INSYN2B: variants seen among roughly 807,000 people sequenced by gnomAD.
INSYN2B encodes protein INSYN2B.
INSYN2B carries 16 observed loss-of-function variants against 41.2 expected under a neutral mutation model. The observed-to-expected ratio is 0.39, with a 90% CI of 0.26 to 0.59. The LOEUF is 0.59. INSYN2B is among the 20% of genes least tolerant of loss of function. The probability of loss-of-function intolerance (pLI) is 0.57; values close to 1 mark genes in which losing one functional copy is unlikely to be tolerated. For missense variants in INSYN2B, 608 were observed against 646.4 expected (o/e 0.94, Z 0.64); for synonymous variants, 245 against 244.4 (o/e 1.00, Z -0.02).
intron 1 of INSYN2B, among the ~76,000 whole-genome samples, chr5:169,914,109 G>A (rs143301643): frequency 3.9e-4 from 59 of 152,200 alleles, no homozygotes; most frequent in African/African-American, 1.2e-3. Context: ...CCCTCAGAAC[G>A]CCTTTTGTAT....
intron 1 of INSYN2B, among the ~76,000 whole-genome samples, chr5:169,952,731 A>G (rs1262853623): frequency 6.6e-6 from 1 of 152,202 alleles, no homozygotes; most frequent in Non-Finnish European, 1.5e-5. Flanking sequence ...GAGACATCTC[A>G]GGTAGGGGTT....
chr5:169,955,355 G>A (rs1483383641), intron 1 of INSYN2B, among the ~76,000 whole-genome samples: 2 of 152,124 alleles, frequency 1.3e-5, no homozygotes, highest in Non-Finnish European at 2.9e-5. Flanking sequence ...AGCACCTACT[G>A]TGTAGCTGGC....
At chr5:169,912,815 A>G (rs934131359) in intron 1 of INSYN2B, among the ~76,000 whole-genome samples, 1 of 152,060 alleles carries the variant, frequency 6.6e-6, no homozygotes, top group Non-Finnish European at 1.5e-5. Flanking sequence ...CAGAGTGTTG[A>G]GATTTTTTTT....
intron 1 of INSYN2B, among the ~76,000 whole-genome samples, chr5:169,917,359 A>G (rs777232318): frequency 1.3e-5 from 2 of 152,212 alleles, no homozygotes; most frequent in Non-Finnish European, 2.9e-5. Context: ...GCACCCTGAC[A>G]CCAGTAGCCC....
At chr5:169,972,062 A>T (rs761758588) in intron 1 of INSYN2B, among the ~76,000 whole-genome samples, 1 of 152,250 alleles carries the variant, frequency 6.6e-6, no homozygotes, top group South Asian at 2.1e-4. Context: ...AACTTCCCAG[A>T]CAGTCACTAC....
intron 3 of INSYN2B, among the ~76,000 whole-genome samples, chr5:169,868,886 C>T (rs1771765636): frequency 6.6e-6 from 1 of 152,148 alleles, no homozygotes; most frequent in Non-Finnish European, 1.5e-5. Context: ...AAGCCCAGCC[C>T]AACATAGAGG....
At chr5:169,921,006 A>G (rs919138817) in intron 1 of INSYN2B, among the ~76,000 whole-genome samples, 1 of 152,208 alleles carries the variant, frequency 6.6e-6, no homozygotes, top group Non-Finnish European at 1.5e-5. Flanking sequence ...GCACTTTCCT[A>G]ATTACCTTTG....
At chr5:169,924,819 A>G (rs1449009141) in intron 1 of INSYN2B, among the ~76,000 whole-genome samples, 3 of 152,034 alleles carry the variant, frequency 2.0e-5, no homozygotes, top group Non-Finnish European at 4.4e-5. Flanking sequence ...GGCCTGGCAC[A>G]TGGGTAGGTA....
At position 169,881,441 on chromosome 5, in the gene INSYN2B, G is replaced by A. The variant is rs761924914; in HGVS notation, c.1348C>T (p.Arg450Cys). Residue 450 changes from arginine (R) to cysteine (C), a missense_variant and splice_region_variant, in exon 3 of 4, where the codon CGC (arginine) becomes TGC (cysteine). Transcript: ENST00000377365. ...LEKARALTEG[R>C]NFYRTGQDLN... is the part of the protein sequence containing the mutation. Reference sequence around the variant, plus strand: ...TCTTGGCCAGTTCGATAAAAGTTGCGCCTGCAAGACAGAGCATTTGCTGGA... The same window carrying A: ...TCTTGGCCAGTTCGATAAAAGTTGCACCTGCAAGACAGAGCATTTGCTGGA... 23 of 1,551,284 alleles carry A rather than the reference G, an allele frequency of 1.5e-5. No homozygotes were observed. The highest frequency in any genetic ancestry group is 1.2e-4 in the South Asian group (10 of 84,050).
intron 1 of INSYN2B, among the ~76,000 whole-genome samples, chr5:169,959,659 T>C (rs764612115): frequency 6.6e-6 from 1 of 152,168 alleles, no homozygotes; most frequent in Non-Finnish European, 1.5e-5. Context: ...ACTAAAGGAC[T>C]TTAGGGAGTC....
chr5:169,878,522 G>A (rs960624717), intron 3 of INSYN2B, among the ~76,000 whole-genome samples: 2 of 152,210 alleles, frequency 1.3e-5, no homozygotes, highest in African/African-American at 4.8e-5. Context: ...GCTCAGGGCT[G>A]TGAAACTGAG....
intron 1 of INSYN2B, among the ~76,000 whole-genome samples, chr5:169,963,321 C>T (rs527316650): frequency 6.6e-6 from 1 of 152,182 alleles, no homozygotes; most frequent in East Asian, 1.9e-4. Flanking sequence ...GCAGCCCTGA[C>T]CTGACTTGGC....
intron 1 of INSYN2B, among the ~76,000 whole-genome samples, chr5:169,978,392 TGGGG>T (rs150934804): frequency 4.4e-5 from 1 of 22,734 alleles, no homozygotes; most frequent in East Asian, 1.3e-3. Context: ...TGTGTGTGTG[TGGGG>T]GGGGGGGGGT....
chr5:169,944,856 G>A (rs948916976), intron 1 of INSYN2B, among the ~76,000 whole-genome samples: 1 of 152,158 alleles, frequency 6.6e-6, no homozygotes, highest in Non-Finnish European at 1.5e-5. Flanking sequence ...TGCCTTGTGG[G>A]CTCCAGTTGC....
At chr5:169,963,344 G>C (rs1229470680) in intron 1 of INSYN2B, among the ~76,000 whole-genome samples, 1 of 152,046 alleles carries the variant, frequency 6.6e-6, no homozygotes, top group Non-Finnish European at 1.5e-5. Flanking sequence ...GCATTGACAG[G>C]AACTCAATCT....
chr5:169,932,572 C>A (rs924565119), intron 1 of INSYN2B, among the ~76,000 whole-genome samples: 2 of 152,090 alleles, frequency 1.3e-5, no homozygotes, highest in Non-Finnish European at 1.5e-5. Flanking sequence ...GTTTTTTAGA[C>A]CTGGGACGCT....
At chr5:169,868,439 A>G (rs979934249) in intron 3 of INSYN2B, among the ~76,000 whole-genome samples, 1 of 152,208 alleles carries the variant, frequency 6.6e-6, no homozygotes, top group Non-Finnish European at 1.5e-5. Context: ...GAGTTTGACA[A>G]GATTTACAAG....
At chr5:169,944,623 T>G (rs1470760946) in intron 1 of INSYN2B, among the ~76,000 whole-genome samples, 1 of 152,240 alleles carries the variant, frequency 6.6e-6, no homozygotes, top group East Asian at 1.9e-4. Flanking sequence ...GGTTTCCTCA[T>G]CTGAGAAATG....
At chr5:169,914,787 G>A (rs1774785935) in intron 1 of INSYN2B, among the ~76,000 whole-genome samples, 1 of 152,108 alleles carries the variant, frequency 6.6e-6, no homozygotes, top group African/African-American at 2.4e-5. Context: ...GCCTTCTCAT[G>A]CCCAGCCAGC....
Sources: gnomAD v4.1 joint callset for allele counts (sites outside exome capture counted in the v4.1 genomes callset) on GRCh38, gnomAD v4.1.1 for gene constraint, MANE v1.5 for transcripts, NCBI Gene and HGNC (gene_info 2026-07-23, HGNC 2026-07-21) for gene names.